Variants in PTPRT observed in about 807,000 individuals in gnomAD.
The protein encoded by PTPRT is protein tyrosine phosphatase receptor type T.
In PTPRT, 56 loss-of-function variants were observed where a neutral mutation model predicts 176.8. The observed-to-expected ratio is 0.32, with a 90% CI of 0.26 to 0.40. The LOEUF (loss-of-function observed/expected upper bound fraction) is 0.40. Ranked by LOEUF, PTPRT falls within the 10% of genes least tolerant of loss-of-function variation. The pLI, the probability that PTPRT is intolerant of heterozygous loss-of-function variation, is 1.00. For synonymous variants in PTPRT, 783 were observed against 739.0 expected, an observed-to-expected ratio of 1.06 and a Z score of -0.96; for missense variants, 1,540 against 1,908.2, an observed-to-expected ratio of 0.81 and a Z score of 3.60.
intron 1 of PTPRT, among the ~76,000 whole-genome samples, chr20:42,927,713 A>G (rs1979577640): frequency 1.3e-5 from 2 of 152,204 alleles, no homozygotes; most frequent in African/African-American, 4.8e-5. Context: ...ACTCACCATC[A>G]GCATGCAAGT....
intron 13 of PTPRT, among the ~76,000 whole-genome samples, chr20:42,255,568 T>C (rs1244304259): frequency 6.6e-6 from 1 of 152,188 alleles, no homozygotes; most frequent in Admixed American, 6.5e-5. Context: ...ACTTTCCTCA[T>C]ATAGGCAAGG....
At position 42,076,586 on chromosome 20, in the gene PTPRT, T is replaced by G; in HGVS notation, c.*4293A>C. ...AGGAGCTGCCTAGGAGAAGGTCAGTTGGTCTTGATCTTGAGCCTATAACTG... is the reference window on the plus strand; with the variant it reads ...AGGAGCTGCCTAGGAGAAGGTCAGTGGGTCTTGATCTTGAGCCTATAACTG... On this transcript the variant is annotated 3_prime_UTR_variant, in exon 31 of 31. Transcript: ENST00000373187. 5.1e-6 allele frequency: 1 copy of G among 196,048 alleles called. No homozygotes were observed. The highest frequency in any genetic ancestry group is 1.1e-5 in the Non-Finnish European group (1 of 94,288). The allele number at this position is 196,048 out of a possible 1,614,324, so 12.1% of individuals were successfully genotyped here.
rs545832966 is a variant in PTPRT, at chr20:42,663,278, T to C, written c.1153+14588A>G. ...TTGAATGAGAAGACTTTGCTGCACC[T>C]GTGGGCAATTTGGGAGGGAGGAAAC... On this transcript the variant is annotated intron_variant, in intron 7 of 30. Coordinates refer to ENST00000373187, the MANE Select transcript of PTPRT (RefSeq NM_007050.6). 7.6e-4 allele frequency among the ~76,000 whole-genome samples: 116 copies of C among 152,206 alleles called. 1 individual carries two copies. The highest frequency in any genetic ancestry group is 6.0e-3 in the South Asian group (29 of 4,816).
At chr20:42,270,308 G>A in intron 13 of PTPRT, 1 of 1,269,006 alleles carries the variant, frequency 7.9e-7, no homozygotes, top group East Asian at 2.5e-5. Context: ...TGGAAAGACT[G>A]CTGATTCCTC....
rs1183278505 is a variant in PTPRT, at chr20:42,574,765, G to A, written c.1154-102203C>T. Among the ~76,000 whole-genome samples, 4 of 152,294 alleles carry A rather than the reference G, an allele frequency of 2.6e-5. No individual in the cohort carries two copies. In the East Asian group the frequency reaches 5.8e-4, roughly 22 times the overall value. ...TCTCGAATGGTAATCCCCACATGTC[G>A]AGGGAGGGACCTGTTGGAAGGTGAT... On this transcript the variant is annotated intron_variant, in intron 7 of 30. Transcript: ENST00000373187.
chr20:43,033,373 C>A (rs563014784), intron 1 of PTPRT, among the ~76,000 whole-genome samples: 1 of 152,236 alleles, frequency 6.6e-6, no homozygotes, highest in Admixed American at 6.5e-5. Flanking sequence ...AGATGGACAG[C>A]CCCACTTGAG....
rs556212250 is a variant in PTPRT, at chr20:43,013,033, T to G, written c.89-127101A>C. On this transcript the variant is annotated intron_variant, in intron 1 of 30. Transcript: ENST00000373187. ...GGAAGGACAGTGTTCCTCAACCTTG[T>G]TTTCATTACTGCCCTCCTAAGGAGT... 2.6e-5 allele frequency among the ~76,000 whole-genome samples: 4 copies of G among 152,222 alleles called. No homozygotes were observed. In the East Asian group the frequency reaches 7.8e-4, roughly 30 times the overall value.
chr20:42,115,141 G>A (rs1025706854), intron 22 of PTPRT, 58 bp downstream of exon 22: 3 of 1,289,076 alleles, frequency 2.3e-6, no homozygotes, highest in African/African-American at 2.9e-5. Flanking sequence ...TGTTCTGGAT[G>A]AACAAACAAG....
At chr20:42,985,007 G>A (rs1395427449) in intron 1 of PTPRT, among the ~76,000 whole-genome samples, 1 of 152,234 alleles carries the variant, frequency 6.6e-6, no homozygotes, top group African/African-American at 2.4e-5. Flanking sequence ...AATTCAGGAA[G>A]AAGGAATGAG....
chr20:42,826,681 G>A (rs2077999490), intron 2 of PTPRT, among the ~76,000 whole-genome samples: 1 of 152,098 alleles, frequency 6.6e-6, no homozygotes, highest in Non-Finnish European at 1.5e-5. Flanking sequence ...ACAACAAAAT[G>A]GCAAGATCAA....
intron 2 of PTPRT, among the ~76,000 whole-genome samples, chr20:42,872,360 G>A (rs2078859484): frequency 6.6e-6 from 1 of 152,242 alleles, no homozygotes. Flanking sequence ...AATGGGGCAT[G>A]TGATAGATCA....
intron 17 of PTPRT, among the ~76,000 whole-genome samples, 200 bp downstream of exon 17, chr20:42,161,152 T>C (rs1989577775): frequency 6.6e-6 from 1 of 152,188 alleles, no homozygotes; most frequent in African/African-American, 2.4e-5. Context: ...TTAATGTGTA[T>C]ACAAATCACC....
At chr20:43,020,224 A>AT (rs1985605023) in intron 1 of PTPRT, among the ~76,000 whole-genome samples, 6 of 145,034 alleles carry the variant, frequency 4.1e-5, no homozygotes, top group South Asian at 4.3e-4. Flanking sequence ...TTAATTATGT[A>AT]ATATATATAT....
chr20:42,792,547 A>C (rs1204338401), intron 2 of PTPRT, among the ~76,000 whole-genome samples: 1 of 152,150 alleles, frequency 6.6e-6, no homozygotes, highest in Non-Finnish European at 1.5e-5. Context: ...TTTCACAAGC[A>C]ACTGGGAGGG....
chr20:42,585,020 C>G (rs2073447229), intron 7 of PTPRT, among the ~76,000 whole-genome samples: 1 of 152,142 alleles, frequency 6.6e-6, no homozygotes, highest in Admixed American at 6.5e-5. Context: ...GTGCTAATTT[C>G]CTTGCATCAT....
At position 42,305,424 on chromosome 20, in the gene PTPRT, C is replaced by T. The variant is rs57885774; in HGVS notation, c.2139+10299G>A. 4.7e-3 allele frequency among the ~76,000 whole-genome samples: 716 copies of T among 152,020 alleles called. 17 individuals are homozygous for T. The highest frequency in any genetic ancestry group is 0.041 in the East Asian group (210 of 5,176). On this transcript the variant is annotated intron_variant, in intron 12 of 30. Transcript: ENST00000373187. ...ACATACATACTCATATATACACATA[C>T]ATCTATATATATGCATGCTAAAATA...
chr20:43,046,628 G>A (rs57603425), intron 1 of PTPRT, among the ~76,000 whole-genome samples: 2,672 of 152,146 alleles, frequency 0.018, 72 homozygotes, highest in African/African-American at 0.061. Flanking sequence ...TGTGGTGGGG[G>A]CATGCAGTTC....
chr20:42,854,418 A>G (rs550941894), intron 2 of PTPRT, among the ~76,000 whole-genome samples: 2 of 152,310 alleles, frequency 1.3e-5, no homozygotes, highest in Admixed American at 1.3e-4. Context: ...GAGTTTAATC[A>G]AGGACTGTTT....
the PTPRT span, among the ~76,000 whole-genome samples, chr20:42,038,489 A>G: frequency 6.6e-6 from 1 of 152,224 alleles, no homozygotes; most frequent in African/African-American, 2.4e-5. Flanking sequence ...AAGGATGAGC[A>G]GAGTGGACTA....
Sources: gnomAD v4.1 joint callset for allele counts (sites outside exome capture counted in the v4.1 genomes callset) on GRCh38, gnomAD v4.1.1 for gene constraint, MANE v1.5 for transcripts, NCBI Gene and HGNC (gene_info 2026-07-23, HGNC 2026-07-21) for gene names.